The following TOP1 variants were observed in gnomAD, a reference collection of about 807,000 sequenced individuals.
TOP1 encodes DNA topoisomerase 1.
TOP1 carries 10 observed loss-of-function variants against 111.1 expected under a neutral mutation model. That is an observed-to-expected ratio of 0.09 (90% CI 0.06 to 0.15). TOP1 has a LOEUF of 0.15. Among genes scored for constraint, TOP1 ranks in the 10% least tolerant of loss-of-function variants. The pLI is 1.00. For synonymous variants in TOP1, 271 were observed against 302.9 expected (o/e 0.89, Z 1.10); for missense variants, 474 against 926.7 (o/e 0.51, Z 6.34).
chr20:41,039,555 TG>T (rs1303293059), intron 2 of TOP1, among the ~76,000 whole-genome samples: 1 of 152,192 alleles, frequency 6.6e-6, no homozygotes, highest in Non-Finnish European at 1.5e-5. Flanking sequence ...TTAAGTTCTG[TG>T]TATTTATTTC....
In TOP1 at chr20:41,118,366, G is replaced by A; in HGVS notation, c.1950+70G>A. The A allele has an allele frequency of 1.3e-6, 2 of 1,583,386 alleles. No homozygotes were observed. The highest frequency in any genetic ancestry group is 2.2e-5 in the East Asian group (1 of 44,496). Reference sequence around the variant, plus strand: ...TTATCTGCGAATGAGAGGATTCAGGGCTGAGATATCAGCAGGCCAGTGCTG... The same window carrying A: ...TTATCTGCGAATGAGAGGATTCAGGACTGAGATATCAGCAGGCCAGTGCTG... On this transcript the variant is annotated intron_variant, in intron 18 of 20. Transcript: ENST00000361337. This position sits in a 1 kb window ranked among gnomAD's most constrained non-coding sequence, Gnocchi z 4.6.
Position 41,122,240 on chromosome 20 carries a change from C to A in TOP1, c.2195+85C>A, listed in dbSNP as rs2145974232. The A allele has an allele frequency of 2.8e-6, 4 of 1,410,042 alleles. No homozygotes were observed. Among genetic ancestry groups the A allele is most frequent in the Non-Finnish European group, 3.0e-6 (3 of 1,011,454 alleles). The allele number at this position is 1,410,042 out of a possible 1,614,324, so 87.3% of individuals were successfully genotyped here. ...CGAGAGCACTGGTGGCCTTCACATG[C>A]CATTCCTAAGCTACACACTTTAGTC... On this transcript the variant is annotated intron_variant, in intron 20 of 20. Coordinates refer to ENST00000361337, the MANE Select transcript of TOP1 (RefSeq NM_003286.4). This position sits in a 1 kb window ranked among gnomAD's most constrained non-coding sequence, Gnocchi z 5.4.
rs1419399335 is a variant in TOP1, at chr20:41,098,044, AG to A, written c.853-170del. Among the ~76,000 whole-genome samples the A allele has an allele frequency of 6.6e-6, 1 of 152,244 alleles. No individual in the cohort carries two copies. The highest frequency in any genetic ancestry group is 2.4e-5 in the African/African-American group (1 of 41,462). On this transcript the variant is annotated intron_variant, in intron 10 of 20. Coordinates refer to ENST00000361337, the MANE Select transcript of TOP1 (RefSeq NM_003286.4). The surrounding 1 kb of genome is among the most constrained non-coding windows in gnomAD (Gnocchi z 5.7). ...TTAGTAAGTACATATTTTATAATAAAGTAATACAACTGTATTTTTTTGTTTT... is the reference window on the plus strand; with the variant it reads ...TTAGTAAGTACATATTTTATAATAAATAATACAACTGTATTTTTTTGTTTT...
At chr20:41,037,970 T>C (rs1182588101) in intron 2 of TOP1, among the ~76,000 whole-genome samples, 1 of 152,114 alleles carries the variant, frequency 6.6e-6, no homozygotes, top group African/African-American at 2.4e-5. Context: ...GATAAACATA[T>C]CAGGAAAAAT....
In TOP1 at chr20:41,028,829, G is replaced by GA; in HGVS notation, c.-237dup. On this transcript the variant is annotated 5_prime_UTR_variant, in exon 1 of 21. An upstream open reading frame in the 5' UTR loses its in-frame stop. Coordinates refer to ENST00000361337, the MANE Select transcript of TOP1 (RefSeq NM_003286.4). ...GCGCAGGCGCAGTGAGCCCAAATGCGAACTTAGGCTGTTACACAACTGCTG... is the reference window on the plus strand; with the variant it reads ...GCGCAGGCGCAGTGAGCCCAAATGCGAAACTTAGGCTGTTACACAACTGCTG... The GA allele has an allele frequency of 1.9e-6, 1 of 517,602 alleles. No homozygotes were observed. Among genetic ancestry groups the GA allele is most frequent in the Non-Finnish European group, 3.4e-6 (1 of 293,664 alleles). The allele number at this position is 517,602 out of a possible 1,614,324, so 32.1% of individuals were successfully genotyped here. A position where few individuals can be genotyped will look rare whatever the true frequency, so the allele number is the denominator to read the frequency against.
chr20:41,076,319 G>A, intron 4 of TOP1, 25 bp downstream of exon 4: 9 of 1,589,304 alleles, frequency 5.7e-6, no homozygotes, highest in Non-Finnish European at 7.7e-6. Context: ...AGTAGGGGAG[G>A]AAGGAACGTG....
chr20:41,124,302 A>G lies in TOP1; in HGVS notation c.*1005A>G, dbSNP rs2034462313. ...TTGTGTAAAAAATGGAAAAAAACAT[A>G]AAAAGCAGAATTTTAATGTGAAGAC... On this transcript the variant is annotated 3_prime_UTR_variant, in exon 21 of 21. Coordinates refer to ENST00000361337, the MANE Select transcript of TOP1 (RefSeq NM_003286.4). The surrounding 1 kb of genome is among the most constrained non-coding windows in gnomAD (Gnocchi z 5.4). The G allele has an allele frequency of 1.7e-5, 4 of 233,220 alleles. No homozygotes were observed. The East Asian group carries it at 2.4e-4, about 14-fold the overall frequency. 14.4% of individuals were successfully genotyped at this position (233,220 alleles called of 1,614,324 possible).
chr20:41,083,070 TTTTG>T lies in TOP1; in HGVS notation c.508-1388_508-1385del, dbSNP rs1338817459. 1.1e-4 allele frequency among the ~76,000 whole-genome samples: 16 copies of T among 152,172 alleles called. No individual in the cohort carries two copies. Among genetic ancestry groups the T allele is most frequent in the Admixed American group, 1.0e-3 (16 of 15,270 alleles). ...ACTCGCCAACTATAGTTTTTTTGTT[TTTTG>T]TTTTTTTCTCTTGTTTTTGAGAATT... On this transcript the variant is annotated intron_variant, in intron 7 of 20. Coordinates refer to ENST00000361337, the MANE Select transcript of TOP1 (RefSeq NM_003286.4). This position sits in a 1 kb window ranked among gnomAD's most constrained non-coding sequence, Gnocchi z 7.2.
chr20:41,107,811 T>C (rs4142396), intron 13 of TOP1, among the ~76,000 whole-genome samples: 148,809 of 152,276 alleles, frequency 0.98, 72,730 homozygotes, highest in East Asian at 1. Context: ...CTCTTTTCTT[T>C]CCCTTCTTCT....
chr20:41,123,341 T>C lies in TOP1; in HGVS notation c.*44T>C, dbSNP rs762281141. ...GTTCTGTGAAGAGGAACAGTGTGGTTTGGGAAAGATGGATAAACTGAGCCT... is the reference window on the plus strand; with the variant it reads ...GTTCTGTGAAGAGGAACAGTGTGGTCTGGGAAAGATGGATAAACTGAGCCT... On this transcript the variant is annotated 3_prime_UTR_variant, in exon 21 of 21. Transcript: ENST00000361337. The surrounding 1 kb of genome is among the most constrained non-coding windows in gnomAD (Gnocchi z 5.8). 6.9e-7 allele frequency: 1 copy of C among 1,447,818 alleles called. No individual in the cohort carries two copies. The highest frequency in any genetic ancestry group is 9.7e-7 in the Non-Finnish European group (1 of 1,031,602). The allele number at this position is 1,447,818 out of a possible 1,614,324, so 89.7% of individuals were successfully genotyped here.
Position 41,080,219 on chromosome 20 carries a change from A to G in TOP1, c.431+39A>G. The G allele has an allele frequency of 8.0e-7, 1 of 1,247,734 alleles. No homozygotes were observed. 77.3% of individuals were successfully genotyped at this position (1,247,734 alleles called of 1,614,324 possible). A position where few individuals can be genotyped will look rare whatever the true frequency, so the allele number is the denominator to read the frequency against. Reference sequence around the variant, plus strand: ...TAAAACTTTGACTTTTGAAAACAAAAAGGAGGAGTTTAAAGAATAAATGTG... The same window carrying G: ...TAAAACTTTGACTTTTGAAAACAAAGAGGAGGAGTTTAAAGAATAAATGTG... On this transcript the variant is annotated intron_variant, in intron 6 of 20. Transcript: ENST00000361337. This position sits in a 1 kb window ranked among gnomAD's most constrained non-coding sequence, Gnocchi z 5.0.
At chr20:41,065,649 A>G (rs983627714) in intron 3 of TOP1, among the ~76,000 whole-genome samples, 9 of 152,240 alleles carry the variant, frequency 5.9e-5, no homozygotes, top group African/African-American at 1.2e-4. Flanking sequence ...ATATAAGTGG[A>G]ATAATACAAT....
intron 3 of TOP1, among the ~76,000 whole-genome samples, chr20:41,074,489 G>GT (rs571318591): frequency 0.11 from 16,436 of 143,612 alleles, 1,789 homozygotes; most frequent in East Asian, 0.5. Context: ...GCATTGTTTT[G>GT]TTTTTTTTTT....
chr20:41,028,905 T>G lies in TOP1; in HGVS notation c.-163T>G, dbSNP rs1244904254. ...CAGTCAGGCAGCGTCGCCGCCGTGG[T>G]AGCAGCCTCAGCCGTTTCTGGAGTC... On this transcript the variant is annotated 5_prime_UTR_variant, in exon 1 of 21. Transcript: ENST00000361337. The G allele has an allele frequency of 1.7e-6, 1 of 585,306 alleles. No individual in the cohort carries two copies. Among genetic ancestry groups the G allele is most frequent in the Non-Finnish European group, 3.0e-6 (1 of 337,396 alleles). 36.3% of individuals were successfully genotyped at this position (585,306 alleles called of 1,614,324 possible).
At chr20:41,120,582 G>C (rs2034406843) in intron 18 of TOP1, among the ~76,000 whole-genome samples, 1 of 152,278 alleles carries the variant, frequency 6.6e-6, no homozygotes, top group Non-Finnish European at 1.5e-5. Context: ...ATTCACCAGG[G>C]GTGCTTCAAA....
rs1461387377 is a variant in TOP1 at position 41,106,795 on chromosome 20, T to C, written c.1308+5442T>C. Among the ~76,000 whole-genome samples the C allele has an allele frequency of 6.6e-6, 1 of 152,188 alleles. No homozygotes were observed. Among genetic ancestry groups the C allele is most frequent in the Non-Finnish European group, 1.5e-5 (1 of 68,024 alleles). On this transcript the variant is annotated intron_variant, in intron 13 of 20. Coordinates refer to ENST00000361337, the MANE Select transcript of TOP1 (RefSeq NM_003286.4). This position sits in a 1 kb window ranked among gnomAD's most constrained non-coding sequence, Gnocchi z 4.3. ...TTGTTCAGGGTTGCTGAACTCTTAG[T>C]TCTAAAAGTGTCTGTCATTTGGGGT...
intron 4 of TOP1, among the ~76,000 whole-genome samples, chr20:41,076,916 A>G (rs1257599546): frequency 2.0e-5 from 3 of 152,082 alleles, no homozygotes; most frequent in Non-Finnish European, 4.4e-5. Context: ...TCTTCCATAG[A>G]TACTCTGTAT....
Position 41,029,467 on chromosome 20 carries a change from C to T in TOP1, c.58+12C>T. On this transcript the variant is annotated intron_variant, in intron 2 of 20. Transcript: ENST00000361337. This position sits in a 1 kb window ranked among gnomAD's most constrained non-coding sequence, Gnocchi z 6.1. ...TTTCCGATTGAATGGTGAGTGTGCC[C>T]CCTGCGCCGACTCCGGGGCCCCCCA... The T allele has an allele frequency of 6.4e-7, 1 of 1,555,938 alleles. No individual in the cohort carries two copies. Among genetic ancestry groups the T allele is most frequent in the Non-Finnish European group, 8.7e-7 (1 of 1,153,082 alleles).
In TOP1 at chr20:41,115,794, G is replaced by A. The variant is rs2034320225; in HGVS notation, c.1707+355G>A. Among the ~76,000 whole-genome samples, 1 of 152,130 alleles carries A rather than the reference G, an allele frequency of 6.6e-6. No individual in the cohort carries two copies. The highest frequency in any genetic ancestry group is 6.5e-5 in the Admixed American group (1 of 15,276). ...TAGGGAAGGAAAAATTTGCTTTATT[G>A]GTTTGTTAAGCCCACCAACCTGGGC... On this transcript the variant is annotated intron_variant, in intron 16 of 20. Coordinates refer to ENST00000361337, the MANE Select transcript of TOP1 (RefSeq NM_003286.4). The surrounding 1 kb of genome is among the most constrained non-coding windows in gnomAD (Gnocchi z 6.3).
Sources: gnomAD v4.1 joint callset for allele counts (sites outside exome capture counted in the v4.1 genomes callset) on GRCh38, gnomAD v4.1.1 for gene constraint, Gnocchi (gnomAD v3.1) non-coding constraint, MANE v1.5 for transcripts, NCBI Gene and HGNC (gene_info 2026-07-23, HGNC 2026-07-21) for gene names.